ALDOB: variants seen among roughly 807,000 people sequenced by gnomAD.
ALDOB encodes fructose-bisphosphate aldolase B.
Under a neutral mutation model 41.0 loss-of-function variants are expected in ALDOB, and 39 were observed. The observed-to-expected ratio is 0.95, with a 90% CI of 0.74 to 1.24. The LOEUF (loss-of-function observed/expected upper bound fraction) is 1.24. ALDOB is among the 50% of genes most tolerant of loss of function. ALDOB has a pLI of 0.00. For missense variants in ALDOB, 530 were observed against 457.3 expected (o/e 1.16, Z -1.45); for synonymous variants, 175 against 168.8 (o/e 1.04, Z -0.28).
Position 101,429,866 on chromosome 9 carries a change from G to A in ALDOB, c.213C>T (p.Asn71=). The A allele has an allele frequency of 6.2e-7, 1 of 1,614,144 alleles. No individual in the cohort carries two copies. ...EILFSVDSSI[N]QSIGGVILFH... is the part of the protein sequence containing the mutation. ...AAAGGATCACACCCCCGATGCTCTG[G>A]TTGATGGAACTGTCCACAGAGAAGA... Residue 71 remains asparagine, a synonymous_variant, in exon 3 of 9, where the codon AAC becomes AAT. Transcript: ENST00000647789.
chr9:101,421,932 T>C, intron 8 of ALDOB, 28 bp from the exon 9 acceptor site: 1 of 1,556,120 alleles, frequency 6.4e-7, no homozygotes, highest in Non-Finnish European at 8.9e-7. Context: ...GAGAGGAGAC[T>C]GGTTAGAGTA....
intron 1 of ALDOB, among the ~76,000 whole-genome samples, 167 bp from the exon 2 acceptor site, chr9:101,431,064 T>C (rs187779687): frequency 5.4e-4 from 82 of 152,344 alleles, no homozygotes; most frequent in Non-Finnish European, 1.0e-3. Context: ...CCATCACTTA[T>C]TAGTTGCAAT....
At chr9:101,432,479 A>G (rs1306301209) in intron 1 of ALDOB, among the ~76,000 whole-genome samples, 2 of 152,158 alleles carry the variant, frequency 1.3e-5, no homozygotes, top group Non-Finnish European at 2.9e-5. Context: ...CAAGGTGCAA[A>G]CTTTCTCTCT....
rs1270815962 is a variant in ALDOB at position 101,428,541 on chromosome 9, T to G, written c.325-18A>C. 1.9e-6 allele frequency: 3 copies of G among 1,606,322 alleles called. No homozygotes were observed. The highest frequency in any genetic ancestry group is 2.6e-6 in the Non-Finnish European group (3 of 1,172,960). On this transcript the variant is annotated intron_variant, in intron 3 of 8. Transcript: ENST00000647789. ...TGGTCTAACTGTGGATACAAATAAT[T>G]AACAGGTGTCAGATGTCAGGAAAAC...
Position 101,429,855 on chromosome 9 carries a change from C to G in ALDOB, c.224G>C (p.Gly75Ala), listed in dbSNP as rs375679562. 2 of 1,613,956 alleles carry G rather than the reference C, an allele frequency of 1.2e-6. No homozygotes were observed. Among genetic ancestry groups the G allele is most frequent in the African/African-American group, 2.7e-5 (2 of 74,890 alleles). ...GGTCTCGTGGAAAAGGATCACACCC[C>G]CGATGCTCTGGTTGATGGAACTGTC... ...SVDSSINQSIGGVILFHETLY... is the reference protein window; with the variant it reads ...SVDSSINQSIAGVILFHETLY... Residue 75 changes from glycine to alanine, a missense_variant, in exon 3 of 9, where the codon GGG becomes GCG. Transcript: ENST00000647789.
At chr9:101,425,263 A>T (rs1831108430) in intron 7 of ALDOB, among the ~76,000 whole-genome samples, 190 bp downstream of exon 7, 2 of 152,162 alleles carry the variant, frequency 1.3e-5, no homozygotes, top group African/African-American at 4.8e-5. Flanking sequence ...GAAGAAATAC[A>T]TGGATTGTGG....
chr9:101,428,586 T>TC, intron 3 of ALDOB, 63 bp from the exon 4 acceptor site: 1 of 1,335,812 alleles, frequency 7.5e-7, no homozygotes. Context: ...ACTCTTGAAC[T>TC]AACTAACAGT....
chr9:101,425,184 T>C (rs1831106954), intron 7 of ALDOB, 142 bp from the exon 8 acceptor site: 2 of 1,042,958 alleles, frequency 1.9e-6, no homozygotes, highest in Non-Finnish European at 2.9e-6. Flanking sequence ...AGAAATCAGT[T>C]TGCTTTTGCT....
At position 101,421,762 on chromosome 9, in the gene ALDOB, A is replaced by T. The variant is rs1831050018; in HGVS notation, c.*47T>A. The T allele has an allele frequency of 6.6e-7, 1 of 1,526,326 alleles. No homozygotes were observed. The highest frequency in any genetic ancestry group is 1.4e-5 in the African/African-American group (1 of 73,296). The allele number at this position is 1,526,326 out of a possible 1,614,324, so 94.5% of individuals were successfully genotyped here. A position where few individuals can be genotyped will look rare whatever the true frequency, so the allele number is the denominator to read the frequency against. The stretch of plus-strand genomic sequence containing the variant: ...ATTGGAGGAAAAGTTGCTCCCTTTC[A>T]GCCCTCCTACTAGAAGCACTGGAGC... On this transcript the variant is annotated 3_prime_UTR_variant, in exon 9 of 9. Transcript: ENST00000647789.
intron 1 of ALDOB, among the ~76,000 whole-genome samples, chr9:101,434,834 G>A (rs1831269612): frequency 6.6e-6 from 1 of 152,134 alleles, no homozygotes; most frequent in South Asian, 2.1e-4. Context: ...CCTGGGCCTG[G>A]GTGCTACCCA....
intron 5 of ALDOB, 90 bp downstream of exon 5, chr9:101,427,392 G>T: frequency 6.7e-7 from 1 of 1,488,532 alleles, no homozygotes; most frequent in Non-Finnish European, 9.2e-7. Flanking sequence ...GGAAAAGGAG[G>T]TCCATTTGTA....
intron 3 of ALDOB, 59 bp from the exon 4 acceptor site, chr9:101,428,582 GAACT>G (rs1489299489): frequency 1.8e-5 from 24 of 1,363,580 alleles, no homozygotes; most frequent in South Asian, 1.4e-4. Flanking sequence ...CAGAACTCTT[GAACT>G]AACTAACAGT....
chr9:101,427,481 C>T lies in ALDOB; in HGVS notation c.540+1G>A. 4 of 1,614,178 alleles carry T rather than the reference C, an allele frequency of 2.5e-6. No individual in the cohort carries two copies. In the South Asian group the frequency reaches 3.3e-5, roughly 13 times the overall value. On this transcript the variant is annotated splice_donor_variant, in intron 5 of 8. Coordinates refer to ENST00000647789, the MANE Select transcript of ALDOB (RefSeq NM_000035.4). LOFTEE classifies it high-confidence loss of function. ...TTCAGCCCAAGGGGAAGGCAGAGCACCTGCTGACAGATGCTGGCGTAGCGA... is the reference window on the plus strand; with the variant it reads ...TTCAGCCCAAGGGGAAGGCAGAGCATCTGCTGACAGATGCTGGCGTAGCGA...
Position 101,429,771 on chromosome 9 carries a change from A to T in ALDOB, c.308T>A (p.Ile103Asn). ...GGTGTTCACCTTGATTCCCACCACG[A>T]TCCCCTTTTCCTTGAGGATGTTTCT... ...LFRNILKEKG[I>N]VVGIKLDQGG... The change falls in exon 3 of 9, where the codon ATC becomes AAC. Residue 103 changes from isoleucine to asparagine, a missense_variant. Transcript: ENST00000647789. 1.2e-6 allele frequency: 2 copies of T among 1,614,174 alleles called. No homozygotes were observed. Among genetic ancestry groups the T allele is most frequent in the Non-Finnish European group, 1.7e-6 (2 of 1,180,044 alleles).
chr9:101,428,535 A>T lies in ALDOB; in HGVS notation c.325-12T>A. The T allele has an allele frequency of 6.2e-7, 1 of 1,609,662 alleles. No individual in the cohort carries two copies. Among genetic ancestry groups the T allele is most frequent in the Non-Finnish European group, 8.5e-7 (1 of 1,175,874 alleles). ...CCTCCTTGGTCTAACTGTGGATACA[A>T]ATAATTAACAGGTGTCAGATGTCAG... On this transcript the variant is annotated splice_polypyrimidine_tract_variant and intron_variant, in intron 3 of 8. Transcript: ENST00000647789.
intron 7 of ALDOB, 36 bp downstream of exon 7, chr9:101,425,417 C>T (rs778655699): frequency 3.1e-6 from 5 of 1,610,764 alleles, no homozygotes; most frequent in Non-Finnish European, 4.2e-6. Context: ...AGAATGAGGG[C>T]TAAGACCTTG....
chr9:101,430,983 G>T, intron 1 of ALDOB, 86 bp from the exon 2 acceptor site: 1 of 911,462 alleles, frequency 1.1e-6, no homozygotes, highest in Non-Finnish European at 1.8e-6. Flanking sequence ...GTGCAGACAT[G>T]CTGTGCAGAC....
intron 5 of ALDOB, among the ~76,000 whole-genome samples, chr9:101,427,009 C>A (rs1207682282): frequency 6.6e-6 from 1 of 152,130 alleles, no homozygotes; most frequent in Admixed American, 6.5e-5. Flanking sequence ...ACATAGTACT[C>A]ACAGAAGAAA....
chr9:101,424,729 A>G (rs1049454772), intron 8 of ALDOB, 114 bp downstream of exon 8: 19 of 1,266,702 alleles, frequency 1.5e-5, no homozygotes, highest in Non-Finnish European at 2.1e-5. Flanking sequence ...AATGCCTAAT[A>G]GACACTATCG....
Sources: allele counts gnomAD v4.1 joint callset (sites outside exome capture counted in the v4.1 genomes callset), GRCh38; gene constraint gnomAD v4.1.1; transcripts MANE v1.5; gene names NCBI Gene and HGNC (gene_info 2026-07-23, HGNC 2026-07-21).